ME1: variants seen among roughly 807,000 people sequenced by gnomAD.
ME1 encodes NADP-dependent malic enzyme.
Under a neutral mutation model 66.4 loss-of-function variants are expected in ME1, and 74 were observed. That is an observed-to-expected ratio of 1.11 (90% CI 0.92 to 1.35). The LOEUF (loss-of-function observed/expected upper bound fraction) is 1.35. Ranked by LOEUF, ME1 falls within the 40% of genes most tolerant of loss-of-function variation. ME1 has a pLI of 0.00. For synonymous variants in ME1, 251 were observed against 235.6 expected, an observed-to-expected ratio of 1.07 and a Z score of -0.60; for missense variants, 750 against 694.1, an observed-to-expected ratio of 1.08 and a Z score of -0.90.
chr6:83,246,333 T>C (rs771391218), intron 7 of ME1, among the ~76,000 whole-genome samples: 1 of 152,106 alleles, frequency 6.6e-6, no homozygotes, highest in Non-Finnish European at 1.5e-5. Flanking sequence ...ACAGTTAAAA[T>C]CCAGATAAAG....
At chr6:83,273,176 C>CAAAAAAAA (rs67482208) in intron 6 of ME1, among the ~76,000 whole-genome samples, 2 of 70,182 alleles carry the variant, frequency 2.8e-5, no homozygotes, top group Admixed American at 1.5e-4. Context: ...GACTCTGCCT[C>CAAAAAAAA]AAAAAAAAAA....
intron 3 of ME1, 42 bp from the exon 4 acceptor site, chr6:83,352,181 T>C: frequency 2.3e-6 from 3 of 1,310,522 alleles, no homozygotes; most frequent in Non-Finnish European, 3.1e-6. Context: ...TTACATTTAC[T>C]TCAGGCCTGT....
At chr6:83,374,374 T>A (rs541581465) in intron 3 of ME1, among the ~76,000 whole-genome samples, 1 of 152,370 alleles carries the variant, frequency 6.6e-6, no homozygotes, top group East Asian at 1.9e-4. Context: ...TTTTTTCATA[T>A]GTTTGTTGGC....
At chr6:83,373,944 C>T (rs1167211079) in intron 3 of ME1, among the ~76,000 whole-genome samples, 5 of 152,156 alleles carry the variant, frequency 3.3e-5, no homozygotes, top group Non-Finnish European at 5.9e-5. Flanking sequence ...TTATCTCATT[C>T]GTTTTTATGG....
In ME1 at chr6:83,288,785, G is replaced by A. The variant is rs906975218; in HGVS notation, c.704+26525C>T. ...CATGATATTTATTCTTCCTATCCAT[G>A]AGCATGGAATGTTTTTCCACTTGTT... On this transcript the variant is annotated intron_variant, in intron 6 of 13. Transcript: ENST00000369705. Among the ~76,000 whole-genome samples the A allele has an allele frequency of 2.0e-5, 3 of 152,178 alleles. 1 individual carries two copies. The highest frequency in any genetic ancestry group is 4.1e-4 in the South Asian group (2 of 4,830).
intron 6 of ME1, among the ~76,000 whole-genome samples, chr6:83,261,674 T>C (rs186235569): frequency 1.9e-3 from 292 of 151,468 alleles, no homozygotes; most frequent in Middle Eastern, 6.8e-3. Context: ...GAAGAAGAAG[T>C]GTTGGGAGTC....
At chr6:83,278,079 T>C (rs1767222000) in intron 6 of ME1, among the ~76,000 whole-genome samples, 1 of 151,914 alleles carries the variant, frequency 6.6e-6, no homozygotes, top group South Asian at 2.1e-4. Context: ...ACAAGAAAAA[T>C]GCTGAACAAA....
intron 3 of ME1, among the ~76,000 whole-genome samples, chr6:83,383,496 A>C (rs1031411096): frequency 2.0e-5 from 3 of 152,028 alleles, no homozygotes; most frequent in Admixed American, 6.6e-5. Flanking sequence ...TGTTGTTCTG[A>C]TAAACTCCAA....
intron 5 of ME1, among the ~76,000 whole-genome samples, chr6:83,317,684 C>T (rs1387648480): frequency 6.6e-6 from 1 of 152,140 alleles, no homozygotes; most frequent in Admixed American, 6.6e-5. Flanking sequence ...TGCCCTTGCT[C>T]ATGGGTAGGA....
intron 2 of ME1, 51 bp from the exon 3 acceptor site, chr6:83,398,567 G>A (rs773281904): frequency 1.1e-6 from 1 of 930,962 alleles, no homozygotes; most frequent in East Asian, 2.8e-5. Flanking sequence ...TCATGAAATA[G>A]CTACTTAGAA....
intron 5 of ME1, among the ~76,000 whole-genome samples, chr6:83,324,696 T>G (rs1170342): frequency 0.46 from 61,186 of 132,910 alleles, 15,609 homozygotes; most frequent in African/African-American, 0.69. Context: ...AACTGTGGTA[T>G]TAATTAATAG....
intron 1 of ME1, 56 bp downstream of exon 1, chr6:83,430,821 G>A: frequency 7.0e-7 from 1 of 1,436,694 alleles, no homozygotes; most frequent in Non-Finnish European, 9.6e-7. Flanking sequence ...CTGCAAGAGG[G>A]CCCTGACCCT....
At chr6:83,357,935 C>CTCTCTCTCTCTATA (rs1447805761) in intron 3 of ME1, among the ~76,000 whole-genome samples, 4 of 30,038 alleles carry the variant, frequency 1.3e-4, no homozygotes, top group Non-Finnish European at 1.8e-4. Flanking sequence ...CTCTCTCTCT[C>CTCTCTCTCTCTATA]TATATATATA....
rs1025615673 is a variant in ME1 at position 83,352,011 on chromosome 6, A to G, written c.438+53T>C. On this transcript the variant is annotated intron_variant, in intron 4 of 13. Coordinates refer to ENST00000369705, the MANE Select transcript of ME1 (RefSeq NM_002395.6). ...TTGTCAGTATATTTTAAACTGTTTT[A>G]TGGGACAGAAAAAAGAAAAAATTTG... The G allele has an allele frequency of 1.6e-5, 18 of 1,110,412 alleles. No individual in the cohort carries two copies. The African/African-American group carries it at 2.9e-4, about 18-fold the overall frequency. The allele number at this position is 1,110,412 out of a possible 1,614,324, so 68.8% of individuals were successfully genotyped here. A position where few individuals can be genotyped will look rare whatever the true frequency, so the allele number is the denominator to read the frequency against.
intron 6 of ME1, among the ~76,000 whole-genome samples, chr6:83,268,728 GTTATTATTATTATTA>G (rs57723634): frequency 7.0e-6 from 1 of 143,772 alleles, no homozygotes; most frequent in South Asian, 2.3e-4. Flanking sequence ...ACCATGCCCC[GTTATTATTATTATTA>G]TTATTATTAT....
chr6:83,271,190 A>T (rs1477981548), intron 6 of ME1, among the ~76,000 whole-genome samples: 1 of 152,212 alleles, frequency 6.6e-6, no homozygotes, highest in Non-Finnish European at 1.5e-5. Flanking sequence ...CTTTTCAAAG[A>T]TAGGATTATT....
intron 1 of ME1, among the ~76,000 whole-genome samples, chr6:83,422,517 T>C (rs567422764): frequency 6.6e-6 from 1 of 152,346 alleles, no homozygotes; most frequent in South Asian, 2.1e-4. Flanking sequence ...ACACCAATCC[T>C]GAGGTGTCAG....
chr6:83,290,652 A>G (rs1248742122), intron 6 of ME1, among the ~76,000 whole-genome samples: 4 of 152,222 alleles, frequency 2.6e-5, no homozygotes. Flanking sequence ...CACTTGGTCC[A>G]GAGCTGAGTT....
intron 1 of ME1, among the ~76,000 whole-genome samples, chr6:83,408,925 A>G (rs1769995069): frequency 6.6e-6 from 1 of 152,160 alleles, no homozygotes; most frequent in African/African-American, 2.4e-5. Flanking sequence ...GAGTCCCCCA[A>G]AATTCACATT....
Sources: allele counts gnomAD v4.1 joint callset (sites outside exome capture counted in the v4.1 genomes callset), GRCh38; gene constraint gnomAD v4.1.1; transcripts MANE v1.5; gene names NCBI Gene and HGNC (gene_info 2026-07-23, HGNC 2026-07-21).